The following DIP2C variants were observed in gnomAD, a reference collection of about 807,000 sequenced individuals.
The protein encoded by DIP2C is DIP2 acetate--CoA ligase C (putative), also known as disco-interacting protein 2 homolog C.
A neutral mutation model predicts 192.4 loss-of-function variants in DIP2C; 33 were observed. The ratio of observed to expected loss-of-function variants is 0.17; its 90% CI spans 0.13 to 0.23. DIP2C has a LOEUF of 0.23. DIP2C is among the 10% of genes least tolerant of loss of function. The probability of loss-of-function intolerance (pLI) is 1.00; values close to 1 mark genes in which losing one functional copy is unlikely to be tolerated. For synonymous variants in DIP2C, 979 were observed against 864.1 expected (o/e 1.13, Z -2.33); for missense variants, 1,537 against 2,110.1 (o/e 0.73, Z 5.32).
intron 3 of DIP2C, among the ~76,000 whole-genome samples, chr10:455,643 C>CGGTG (rs1969241270): frequency 1.8e-5 from 1 of 55,482 alleles, no homozygotes; most frequent in Admixed American, 1.7e-4. Flanking sequence ...AAACACTCTG[C>CGGTG]AGTGAGTCCC....
At chr10:351,862 A>C (rs1958828676) in intron 24 of DIP2C, among the ~76,000 whole-genome samples, 1 of 152,224 alleles carries the variant, frequency 6.6e-6, no homozygotes. Context: ...AACATGGGAC[A>C]GAGACACCCA....
chr10:575,275 A>T (rs1417929828), intron 1 of DIP2C, among the ~76,000 whole-genome samples: 2 of 152,232 alleles, frequency 1.3e-5, no homozygotes, highest in African/African-American at 2.4e-5. Flanking sequence ...TGGTATCGCA[A>T]AATCCAGTCT....
intron 1 of DIP2C, among the ~76,000 whole-genome samples, chr10:495,204 G>C (rs982042372): frequency 4.6e-5 from 7 of 152,174 alleles, no homozygotes; most frequent in African/African-American, 1.7e-4. Context: ...AGTGGAATAG[G>C]GGTTAGCAGG....
intron 1 of DIP2C, among the ~76,000 whole-genome samples, chr10:551,995 C>CA (rs1337900508): frequency 6.6e-6 from 1 of 152,226 alleles, no homozygotes; most frequent in Non-Finnish European, 1.5e-5. Context: ...ATGCAGGCAT[C>CA]AAAGGGAGGG....
At position 529,817 on chromosome 10, in the gene DIP2C, T is replaced by C. The variant is rs577462333; in HGVS notation, c.86-43287A>G. Among the ~76,000 whole-genome samples the C allele has an allele frequency of 3.9e-5, 6 of 152,372 alleles. No homozygotes were observed. In the East Asian group the frequency reaches 7.7e-4, roughly 20 times the overall value. Reference sequence around the variant, plus strand: ...TTTTTTTAGGTGGAGTCTCACTCTGTCACCCAGGCCGGAGTGCAGTATTGC... The same window carrying C: ...TTTTTTTAGGTGGAGTCTCACTCTGCCACCCAGGCCGGAGTGCAGTATTGC... On this transcript the variant is annotated intron_variant, in intron 1 of 36. Transcript: ENST00000280886.
intron 1 of DIP2C, among the ~76,000 whole-genome samples, chr10:616,737 A>C (rs1269641071): frequency 6.6e-6 from 1 of 152,220 alleles, no homozygotes; most frequent in Non-Finnish European, 1.5e-5. Flanking sequence ...TACCTTCCTC[A>C]AAGTACCCAG....
At chr10:288,078 G>C (rs763340845) in intron 33 of DIP2C, among the ~76,000 whole-genome samples, 7 of 152,156 alleles carry the variant, frequency 4.6e-5, no homozygotes, top group Non-Finnish European at 1.0e-4. Context: ...AGCTCCTGAG[G>C]GGCCCCTGGT....
intron 1 of DIP2C, among the ~76,000 whole-genome samples, chr10:592,686 T>G (rs1851471935): frequency 6.6e-6 from 1 of 152,184 alleles, no homozygotes. Context: ...ACACTATTTT[T>G]AATTCTTTGT....
intron 1 of DIP2C, among the ~76,000 whole-genome samples, chr10:657,083 C>T (rs115359155): frequency 4.5e-3 from 686 of 151,674 alleles, no homozygotes; most frequent in African/African-American, 0.015. Context: ...CTGGACTTGC[C>T]ACTGGACTTG....
intron 1 of DIP2C, among the ~76,000 whole-genome samples, chr10:545,853 C>T (rs1338023145): frequency 6.6e-6 from 1 of 152,224 alleles, no homozygotes; most frequent in African/African-American, 2.4e-5. Context: ...CAACCCCTTA[C>T]AACCTTTCTC....
chr10:376,962 G>C (rs1017420132), intron 17 of DIP2C, among the ~76,000 whole-genome samples: 2 of 152,144 alleles, frequency 1.3e-5, no homozygotes, highest in Admixed American at 1.3e-4. Context: ...ATTTTTAATA[G>C]GAAAAGATAC....
intron 1 of DIP2C, among the ~76,000 whole-genome samples, chr10:583,004 C>CA (rs1247436019): frequency 6.6e-6 from 1 of 152,200 alleles, no homozygotes; most frequent in Non-Finnish European, 1.5e-5. Context: ...AGCACTTTGC[C>CA]ACACATAATA....
intron 1 of DIP2C, among the ~76,000 whole-genome samples, chr10:560,546 T>C (rs942254080): frequency 7.2e-5 from 11 of 152,210 alleles, no homozygotes; most frequent in African/African-American, 2.4e-4. Context: ...ATAGGCCTCT[T>C]GATTCTCAGG....
intron 1 of DIP2C, among the ~76,000 whole-genome samples, chr10:608,866 T>TA (rs1473532747): frequency 6.6e-6 from 1 of 151,286 alleles, no homozygotes; most frequent in Non-Finnish European, 1.5e-5. Flanking sequence ...AGTCAGCATA[T>TA]AAAAGATCTT....
At chr10:295,294 G>A (rs778564348) in intron 32 of DIP2C, among the ~76,000 whole-genome samples, 13 of 152,094 alleles carry the variant, frequency 8.5e-5, no homozygotes, top group Non-Finnish European at 1.8e-4. Flanking sequence ...GGGCGCGGTG[G>A]CTTACGCCTG....
At chr10:391,915 T>C (rs935434620) in intron 10 of DIP2C, among the ~76,000 whole-genome samples, 1 of 152,220 alleles carries the variant, frequency 6.6e-6, no homozygotes, top group Non-Finnish European at 1.5e-5. Flanking sequence ...TGTAGTCTCT[T>C]AAGTGTTTAG....
intron 1 of DIP2C, chr10:668,920 C>G (rs1467085781): frequency 2.0e-5 from 3 of 152,142 alleles, no homozygotes; most frequent in Non-Finnish European, 4.4e-5. Flanking sequence ...GGCCAGGAGC[C>G]TCAGTCATCC....
At chr10:409,959 T>G (rs570910223) in intron 8 of DIP2C, among the ~76,000 whole-genome samples, 1 of 152,374 alleles carries the variant, frequency 6.6e-6, no homozygotes, top group South Asian at 2.1e-4. Flanking sequence ...TTAGAAGACG[T>G]GATAATGCTG....
At chr10:532,929 C>T (rs61831030) in intron 1 of DIP2C, among the ~76,000 whole-genome samples, 36,461 of 152,026 alleles carry the variant, frequency 0.24, 5,562 homozygotes, top group Non-Finnish European at 0.34. Context: ...TAGCTGGGAC[C>T]GCACGTGCAC....
Sources: allele counts gnomAD v4.1 joint callset (sites outside exome capture counted in the v4.1 genomes callset), GRCh38; gene constraint gnomAD v4.1.1; transcripts MANE v1.5; gene names NCBI Gene and HGNC (gene_info 2026-07-23, HGNC 2026-07-21).